The following SHISA9 variants were observed in gnomAD, a reference collection of about 807,000 sequenced individuals.
The protein encoded by SHISA9 is shisa family member 9.
Under a neutral mutation model 38.0 loss-of-function variants are expected in SHISA9, and 13 were observed. The ratio of observed to expected loss-of-function variants is 0.34; its 90% CI spans 0.22 to 0.54. The LOEUF (loss-of-function observed/expected upper bound fraction) is 0.54. Ranked by LOEUF, SHISA9 falls within the 20% of genes least tolerant of loss-of-function variation. The pLI, the probability that SHISA9 is intolerant of heterozygous loss-of-function variation, is 0.91. For missense variants in SHISA9, 538 were observed against 575.8 expected, an observed-to-expected ratio of 0.93 and a Z score of 0.67; for synonymous variants, 275 against 242.0, an observed-to-expected ratio of 1.14 and a Z score of -1.27.
chr16:13,129,626 G>C (rs1267402711), intron 2 of SHISA9, among the ~76,000 whole-genome samples: 1 of 152,214 alleles, frequency 6.6e-6, no homozygotes, highest in Non-Finnish European at 1.5e-5. Flanking sequence ...CTCTGCTACA[G>C]TACACAGGTA....
chr16:13,107,162 G>A (rs555167297), intron 2 of SHISA9, among the ~76,000 whole-genome samples: 1 of 152,226 alleles, frequency 6.6e-6, no homozygotes, highest in South Asian at 2.1e-4. Flanking sequence ...GCTGGCTGTG[G>A]TGGCTCATGC....
At chr16:13,515,796 T>G in the SHISA9 span, among the ~76,000 whole-genome samples, 1 of 152,274 alleles carries the variant, frequency 6.6e-6, no homozygotes, top group Non-Finnish European at 1.5e-5. Context: ...CCACCTTATT[T>G]TGGAAACATG....
intron 2 of SHISA9, among the ~76,000 whole-genome samples, chr16:13,046,327 G>A (rs2073188276): frequency 6.6e-6 from 1 of 152,218 alleles, no homozygotes; most frequent in East Asian, 1.9e-4. Flanking sequence ...TTCTAAGTAT[G>A]AGAGGCAGTC....
the SHISA9 span, among the ~76,000 whole-genome samples, chr16:13,295,145 AT>A: frequency 6.6e-6 from 1 of 152,140 alleles, no homozygotes; most frequent in Non-Finnish European, 1.5e-5. Context: ...ACATCACCAA[AT>A]TTTTTTTAAT....
chr16:13,204,096 A>G (rs2051035911), intron 3 of SHISA9, among the ~76,000 whole-genome samples: 1 of 151,766 alleles, frequency 6.6e-6, no homozygotes, highest in African/African-American at 2.4e-5. Context: ...ATCTATCTAT[A>G]TCATCTGTCT....
intron 2 of SHISA9, among the ~76,000 whole-genome samples, chr16:13,109,747 A>G (rs1438036304): frequency 1.3e-5 from 2 of 152,128 alleles, no homozygotes; most frequent in Admixed American, 1.3e-4. Flanking sequence ...TGGACATTAC[A>G]TGTGAATGGA....
chr16:13,253,435 C>A, the SHISA9 span, among the ~76,000 whole-genome samples: 1 of 152,122 alleles, frequency 6.6e-6, no homozygotes, highest in Admixed American at 6.6e-5. Flanking sequence ...TAAAGACATA[C>A]CGAAGGCTGG....
chr16:13,226,238 C>G (rs968517609), intron 4 of SHISA9, among the ~76,000 whole-genome samples: 2 of 152,172 alleles, frequency 1.3e-5, no homozygotes. Flanking sequence ...AACTGCACTT[C>G]CAGGTAATGG....
the SHISA9 span, among the ~76,000 whole-genome samples, chr16:13,497,593 G>A: frequency 5.2e-4 from 79 of 150,530 alleles, no homozygotes; most frequent in African/African-American, 1.8e-3. Flanking sequence ...ACTGAGGCAC[G>A]AGAATTGCTT....
intron 1 of SHISA9, chr16:12,911,562 C>G (rs2071184393): frequency 5.6e-6 from 1 of 179,282 alleles, no homozygotes. Context: ...GTGATGACTT[C>G]ATACTATCAT....
the SHISA9 span, among the ~76,000 whole-genome samples, chr16:13,525,048 T>G: frequency 6.6e-6 from 1 of 152,146 alleles, no homozygotes; most frequent in African/African-American, 2.4e-5. Context: ...TATCTCAAAC[T>G]TTAGTGGGCA....
intron 4 of SHISA9, among the ~76,000 whole-genome samples, chr16:13,225,467 G>A (rs2051269907): frequency 6.6e-6 from 1 of 152,128 alleles, no homozygotes; most frequent in Admixed American, 6.5e-5. Flanking sequence ...CAAAGAATTT[G>A]GATTTTGTTC....
At chr16:13,539,911 T>A in the SHISA9 span, among the ~76,000 whole-genome samples, 3 of 135,914 alleles carry the variant, frequency 2.2e-5, no homozygotes, top group Non-Finnish European at 4.7e-5. Flanking sequence ...TCCATGCTGC[T>A]GCAAAGAACA....
At chr16:13,310,047 C>T in the SHISA9 span, among the ~76,000 whole-genome samples, 13 of 152,162 alleles carry the variant, frequency 8.5e-5, no homozygotes, top group East Asian at 2.5e-3. Context: ...GCCACCATAC[C>T]TGGCTAATTT....
intron 2 of SHISA9, among the ~76,000 whole-genome samples, chr16:13,026,495 G>A (rs546708868): frequency 4.6e-5 from 7 of 152,214 alleles, no homozygotes; most frequent in South Asian, 2.1e-4. Flanking sequence ...TGTCTGTGTC[G>A]TTTCTGTATC....
At chr16:13,264,911 G>A in the SHISA9 span, among the ~76,000 whole-genome samples, 9 of 145,682 alleles carry the variant, frequency 6.2e-5, no homozygotes, top group Admixed American at 3.4e-4. Flanking sequence ...CTTTCCCCTC[G>A]CCTTTCTCCT....
At chr16:12,957,385 C>T (rs879211443) in intron 2 of SHISA9, among the ~76,000 whole-genome samples, 8 of 152,130 alleles carry the variant, frequency 5.3e-5, no homozygotes, top group Admixed American at 1.3e-4. Context: ...CTCACGATTC[C>T]GGAGGCTGGA....
At chr16:13,370,400 G>A in the SHISA9 span, among the ~76,000 whole-genome samples, 1 of 152,298 alleles carries the variant, frequency 6.6e-6, no homozygotes. Context: ...TTGGCCCAAA[G>A]ACACACAGCT....
chr16:13,394,007 C>T, the SHISA9 span, among the ~76,000 whole-genome samples: 3 of 152,212 alleles, frequency 2.0e-5, no homozygotes, highest in African/African-American at 7.2e-5. Flanking sequence ...GCAACGTGAC[C>T]TTCCCACCCC....
Sources: gnomAD v4.1 joint callset for allele counts (sites outside exome capture counted in the v4.1 genomes callset) on GRCh38, gnomAD v4.1.1 for gene constraint, MANE v1.5 for transcripts, NCBI Gene and HGNC (gene_info 2026-07-23, HGNC 2026-07-21) for gene names.